Variants in TMEM266 observed in about 807,000 individuals in gnomAD.
TMEM266 encodes transmembrane protein 266.
In TMEM266, 33 loss-of-function variants were observed where a neutral mutation model predicts 50.5. The observed-to-expected ratio is 0.65, with a 90% CI of 0.50 to 0.87. The LOEUF is 0.87. TMEM266 is among the 40% of genes least tolerant of loss of function. The pLI, the probability that TMEM266 is intolerant of heterozygous loss-of-function variation, is 0.00. For synonymous variants in TMEM266, 310 were observed against 292.3 expected (o/e 1.06, Z -0.62); for missense variants, 655 against 695.1 (o/e 0.94, Z 0.65).
At chr15:76,115,247 G>C (rs541515338) in intron 1 of TMEM266, among the ~76,000 whole-genome samples, 1 of 152,276 alleles carries the variant, frequency 6.6e-6, no homozygotes, top group Non-Finnish European at 1.5e-5. Flanking sequence ...AGACCTTTCA[G>C]ACGATTGGGA....
At chr15:76,066,566 G>A (rs1291530155) in intron 1 of TMEM266, among the ~76,000 whole-genome samples, 1 of 151,418 alleles carries the variant, frequency 6.6e-6, no homozygotes, top group African/African-American at 2.4e-5. Context: ...TTCTAGTCCT[G>A]CTTGCTTTCT....
At chr15:76,177,737 C>G (rs536493728) in intron 8 of TMEM266, among the ~76,000 whole-genome samples, 1 of 152,260 alleles carries the variant, frequency 6.6e-6, no homozygotes, top group Admixed American at 6.5e-5. Flanking sequence ...CTTGCCATAT[C>G]GCGTGGTTAG....
intron 9 of TMEM266, among the ~76,000 whole-genome samples, chr15:76,194,970 G>A (rs1482854968): frequency 6.6e-6 from 1 of 152,112 alleles, no homozygotes; most frequent in Non-Finnish European, 1.5e-5. Context: ...CTTGCCCCGG[G>A]CTGCTTCCCC....
At chr15:76,150,439 T>C (rs1311775622) in intron 3 of TMEM266, among the ~76,000 whole-genome samples, 2 of 152,200 alleles carry the variant, frequency 1.3e-5, no homozygotes, top group African/African-American at 4.8e-5. Flanking sequence ...CTAGTTTGGC[T>C]GCCTTCAGGG....
At chr15:76,178,714 G>C (rs1373996583) in intron 8 of TMEM266, 1 of 152,212 alleles carries the variant, frequency 6.6e-6, no homozygotes, top group African/African-American at 2.4e-5. Context: ...CTCAGCCGGA[G>C]GGAGACTCCC....
intron 1 of TMEM266, among the ~76,000 whole-genome samples, chr15:76,104,354 G>A (rs2037048815): frequency 6.6e-6 from 1 of 152,144 alleles, no homozygotes; most frequent in Admixed American, 6.5e-5. Context: ...AGTTGCACAA[G>A]CCACGTTTCA....
intron 1 of TMEM266, among the ~76,000 whole-genome samples, chr15:76,080,354 C>T (rs375479465): frequency 7.4e-4 from 5 of 6,776 alleles, no homozygotes; most frequent in African/African-American, 1.3e-3. Context: ...CTTGGTCAAG[C>T]GATTCTCCTG....
chr15:76,204,023 TGGA>T lies in TMEM266; in HGVS notation c.1310_1312del (p.Glu437del), dbSNP rs1167219103. 3 of 1,609,600 alleles carry T rather than the reference TGGA, an allele frequency of 1.9e-6. No individual in the cohort carries two copies. The highest frequency in any genetic ancestry group is 2.7e-5 in the African/African-American group (2 of 74,896). On this transcript the variant is annotated inframe_deletion, in exon 11 of 11. Coordinates refer to ENST00000388942, the MANE Select transcript of TMEM266 (RefSeq NM_152335.3). The stretch of plus-strand genomic sequence containing the variant: ...CCGCCGCTGCCATCCCAGCAGCAGG[TGGA>T]GGAGGCCACAGTCCAGGACCTGCTG...
chr15:76,074,754 C>T (rs1182653113), intron 1 of TMEM266, among the ~76,000 whole-genome samples: 7 of 151,850 alleles, frequency 4.6e-5, no homozygotes, highest in Non-Finnish European at 5.9e-5. Context: ...GATGGTAGAC[C>T]ACATGGGGTG....
intron 1 of TMEM266, among the ~76,000 whole-genome samples, chr15:76,085,187 C>G (rs2036757593): frequency 6.6e-6 from 1 of 151,664 alleles, no homozygotes; most frequent in African/African-American, 2.4e-5. Context: ...TCTCTATCTC[C>G]TGACCTTGTG....
intron 9 of TMEM266, among the ~76,000 whole-genome samples, chr15:76,194,180 T>C (rs2038622568): frequency 6.6e-6 from 1 of 152,246 alleles, no homozygotes; most frequent in South Asian, 2.1e-4. Context: ...GGCAACAGGC[T>C]TTTTGTAGCC....
At chr15:76,169,899 C>T (rs770764763) in intron 6 of TMEM266, 27 bp downstream of exon 6, 3 of 1,606,354 alleles carry the variant, frequency 1.9e-6, no homozygotes, top group Non-Finnish European at 2.6e-6. Context: ...ACCCCCAAAG[C>T]CCCCACTCTG....
chr15:76,147,115 C>G (rs960751595), intron 3 of TMEM266, among the ~76,000 whole-genome samples: 5 of 152,216 alleles, frequency 3.3e-5, no homozygotes, highest in Non-Finnish European at 5.9e-5. Context: ...GTCCCTAGAT[C>G]TCTGTGGAGT....
chr15:76,096,709 T>G (rs751633505), intron 1 of TMEM266, among the ~76,000 whole-genome samples: 1 of 152,038 alleles, frequency 6.6e-6, no homozygotes, highest in Non-Finnish European at 1.5e-5. Flanking sequence ...AGGTGGGTGT[T>G]AAAGTCTCCC....
At chr15:76,182,799 G>A (rs2038436567) in intron 8 of TMEM266, among the ~76,000 whole-genome samples, 1 of 152,206 alleles carries the variant, frequency 6.6e-6, no homozygotes, top group Admixed American at 6.5e-5. Context: ...TGGAAAGACT[G>A]AGGCTCAGAG....
At chr15:76,201,007 AG>A (rs1567186763) in intron 9 of TMEM266, among the ~76,000 whole-genome samples, 2 of 152,020 alleles carry the variant, frequency 1.3e-5, no homozygotes. Flanking sequence ...CTCAGAACAC[AG>A]TGGGTCTGCT....
chr15:76,154,281 C>G (rs2037888740), intron 3 of TMEM266, among the ~76,000 whole-genome samples: 1 of 152,168 alleles, frequency 6.6e-6, no homozygotes, highest in Non-Finnish European at 1.5e-5. Context: ...TGGGATGTAA[C>G]TGGACATACT....
intron 1 of TMEM266, among the ~76,000 whole-genome samples, chr15:76,132,439 C>T (rs992919595): frequency 6.6e-6 from 1 of 151,992 alleles, no homozygotes; most frequent in Non-Finnish European, 1.5e-5. Flanking sequence ...GTATATTCAG[C>T]CATCTAAATG....
intron 1 of TMEM266, among the ~76,000 whole-genome samples, chr15:76,100,538 A>G (rs2036986451): frequency 6.6e-6 from 1 of 152,194 alleles, no homozygotes; most frequent in East Asian, 1.9e-4. Context: ...TTTTCCTGGC[A>G]TATCTCCATA....
Sources: gnomAD v4.1 joint callset for allele counts (sites outside exome capture counted in the v4.1 genomes callset) on GRCh38, gnomAD v4.1.1 for gene constraint, MANE v1.5 for transcripts, NCBI Gene and HGNC (gene_info 2026-07-23, HGNC 2026-07-21) for gene names.